ACAP2: variants seen among roughly 807,000 people sequenced by gnomAD.
ACAP2 encodes arf-GAP with coiled-coil, ANK repeat and PH domain-containing protein 2.
Under a neutral mutation model 115.8 loss-of-function variants are expected in ACAP2, and 39 were observed. That is an observed-to-expected ratio of 0.34 (90% CI 0.26 to 0.44). The LOEUF is 0.44. Among genes scored for constraint, ACAP2 ranks in the 20% least tolerant of loss-of-function variants. ACAP2 has a pLI of 1.00. For missense variants in ACAP2, 662 were observed against 927.6 expected (o/e 0.71, Z 3.72); for synonymous variants, 289 against 315.8 (o/e 0.92, Z 0.90).
At chr3:195,428,458 C>A (rs763784755) in intron 1 of ACAP2, among the ~76,000 whole-genome samples, 1 of 151,744 alleles carries the variant, frequency 6.6e-6, no homozygotes, top group Non-Finnish European at 1.5e-5. Flanking sequence ...ATTATAATAT[C>A]ATATTTTTAC....
intron 10 of ACAP2, among the ~76,000 whole-genome samples, chr3:195,313,288 CTAT>C (rs1333945966): frequency 1.3e-5 from 2 of 152,206 alleles, no homozygotes; most frequent in African/African-American, 4.8e-5. Context: ...TATACCTCTA[CTAT>C]TATTTTCTGC....
chr3:195,391,444 T>G (rs1165498864), intron 2 of ACAP2, among the ~76,000 whole-genome samples: 1 of 151,502 alleles, frequency 6.6e-6, no homozygotes, highest in African/African-American at 2.4e-5. Context: ...CAGACTGGTC[T>G]CAAACTCCTG....
At chr3:195,369,869 C>G (rs957060899) in intron 4 of ACAP2, among the ~76,000 whole-genome samples, 6 of 152,204 alleles carry the variant, frequency 3.9e-5, no homozygotes, top group Non-Finnish European at 5.9e-5. Context: ...ATTTACACTT[C>G]CATCAGCAGT....
At chr3:195,412,233 G>A (rs6763588) in intron 1 of ACAP2, among the ~76,000 whole-genome samples, 1 of 135,548 alleles carries the variant, frequency 7.4e-6, no homozygotes. Context: ...AATAAATAAA[G>A]AAGAAGAATT....
chr3:195,419,988 A>G (rs1295218192), intron 1 of ACAP2, among the ~76,000 whole-genome samples: 2 of 152,180 alleles, frequency 1.3e-5, no homozygotes, highest in Non-Finnish European at 2.9e-5. Flanking sequence ...CTAGTCTTGC[A>G]TGTTTGTTCT....
chr3:195,409,012 G>A (rs9870236), intron 1 of ACAP2, among the ~76,000 whole-genome samples: 36,332 of 151,646 alleles, frequency 0.24, 5,068 homozygotes, highest in East Asian at 0.71. Context: ...AAGCTTCCCT[G>A]TAGGATTAGA....
intron 4 of ACAP2, among the ~76,000 whole-genome samples, chr3:195,351,069 A>T (rs1420091357): frequency 6.6e-6 from 1 of 151,958 alleles, no homozygotes; most frequent in Non-Finnish European, 1.5e-5. Flanking sequence ...AGCATGGAAG[A>T]AAATATCTGC....
At chr3:195,421,638 A>C (rs1246230525) in intron 1 of ACAP2, among the ~76,000 whole-genome samples, 1 of 152,228 alleles carries the variant, frequency 6.6e-6, no homozygotes, top group Non-Finnish European at 1.5e-5. Flanking sequence ...TGAGCAAGAA[A>C]TCTCCTCTAC....
chr3:195,413,659 G>C (rs1713471819), intron 1 of ACAP2, among the ~76,000 whole-genome samples: 1 of 152,132 alleles, frequency 6.6e-6, no homozygotes, highest in Admixed American at 6.5e-5. Flanking sequence ...GAGGCACGGA[G>C]AATCGCTTGA....
intron 20 of ACAP2, 43 bp from the exon 21 acceptor site, chr3:195,289,274 A>G: frequency 7.0e-7 from 1 of 1,431,650 alleles, no homozygotes; most frequent in Non-Finnish European, 9.7e-7. Context: ...TCGATAAGAA[A>G]AAAAAATTAG....
At chr3:195,418,448 C>T (rs1713913028) in intron 1 of ACAP2, among the ~76,000 whole-genome samples, 1 of 152,176 alleles carries the variant, frequency 6.6e-6, no homozygotes. Flanking sequence ...GAAGAAACTG[C>T]TGTTTTGTTG....
chr3:195,297,672 C>G (rs924717991), intron 15 of ACAP2, among the ~76,000 whole-genome samples: 7 of 152,212 alleles, frequency 4.6e-5, no homozygotes, highest in African/African-American at 1.4e-4. Flanking sequence ...AGTGTTAGGA[C>G]AGTAAGTTAA....
chr3:195,302,228 T>C, intron 13 of ACAP2, 54 bp from the exon 14 acceptor site: 2 of 1,485,420 alleles, frequency 1.3e-6, no homozygotes, highest in Non-Finnish European at 1.8e-6. Context: ...TGAAATACTT[T>C]GTTGCACACT....
intron 15 of ACAP2, among the ~76,000 whole-genome samples, chr3:195,299,991 A>G (rs1727924048): frequency 6.6e-6 from 1 of 152,176 alleles, no homozygotes; most frequent in Non-Finnish European, 1.5e-5. Flanking sequence ...ATTCTATTTT[A>G]AAAAGAATGG....
chr3:195,365,317 T>C (rs1225071599), intron 4 of ACAP2, among the ~76,000 whole-genome samples: 1 of 152,176 alleles, frequency 6.6e-6, no homozygotes, highest in East Asian at 1.9e-4. Flanking sequence ...GCTTGAGGTG[T>C]TGGATACCCC....
At chr3:195,435,649 T>C (rs1029377882) in intron 1 of ACAP2, among the ~76,000 whole-genome samples, 1 of 152,188 alleles carries the variant, frequency 6.6e-6, no homozygotes. Flanking sequence ...TTCTACATAT[T>C]TGTGAATTTT....
rs200945883 is a variant in ACAP2, at chr3:195,361,809, T to TA, written c.286-16493dup. Among the ~76,000 whole-genome samples the TA allele has an allele frequency of 3.3e-3, 499 of 151,392 alleles. 4 individuals carry two copies. The highest frequency in any genetic ancestry group is 0.012 in the African/African-American group (476 of 41,270). On this transcript the variant is annotated intron_variant, in intron 4 of 22. Coordinates refer to ENST00000326793, the MANE Select transcript of ACAP2 (RefSeq NM_012287.6). Reference sequence around the variant, plus strand: ...CAGACTAAGAAAAGAGAAGACCAAATAAAAAAATCAGAGATGAAAAAGGAG... The same window carrying TA: ...CAGACTAAGAAAAGAGAAGACCAAATAAAAAAAATCAGAGATGAAAAAGGAG...
chr3:195,338,032 A>G (rs1278828617), intron 6 of ACAP2, among the ~76,000 whole-genome samples: 1 of 150,260 alleles, frequency 6.7e-6, no homozygotes, highest in Non-Finnish European at 1.5e-5. Context: ...TTCCGCCCAG[A>G]TGGGTATCAG....
rs182309877 is a variant in ACAP2 at position 195,406,682 on chromosome 3, G to A, written c.54-14535C>T. 2.7e-3 allele frequency among the ~76,000 whole-genome samples: 414 copies of A among 152,238 alleles called. 3 individuals carry two copies. Among genetic ancestry groups the A allele is most frequent in the Non-Finnish European group, 3.8e-3 (261 of 68,008 alleles). ...CTCAGTTCCCCTTTTGTTCCAGATA[G>A]TTTGTATTTTGAGTAAATATTTCAT... On this transcript the variant is annotated intron_variant, in intron 1 of 22. Coordinates refer to ENST00000326793, the MANE Select transcript of ACAP2 (RefSeq NM_012287.6).
Sources: gnomAD v4.1 joint callset for allele counts (sites outside exome capture counted in the v4.1 genomes callset) on GRCh38, gnomAD v4.1.1 for gene constraint, MANE v1.5 for transcripts, NCBI Gene and HGNC (gene_info 2026-07-23, HGNC 2026-07-21) for gene names.